NEK11: variants seen among roughly 807,000 people sequenced by gnomAD.
The protein encoded by NEK11 is NIMA related kinase 11.
NEK11 carries 72 observed loss-of-function variants against 80.7 expected under a neutral mutation model. The ratio of observed to expected loss-of-function variants is 0.89; its 90% CI spans 0.74 to 1.08. The LOEUF (loss-of-function observed/expected upper bound fraction) is 1.08. Among genes scored for constraint, NEK11 ranks in the 50% least tolerant of loss-of-function variants. NEK11 has a pLI of 0.00. For missense variants in NEK11, 764 were observed against 763.6 expected, an observed-to-expected ratio of 1.00 and a Z score of -0.01; for synonymous variants, 251 against 260.7, an observed-to-expected ratio of 0.96 and a Z score of 0.36.
intron 17 of NEK11, among the ~76,000 whole-genome samples, chr3:131,347,922 A>AC (rs2097389928): frequency 6.6e-6 from 1 of 152,084 alleles, no homozygotes; most frequent in Non-Finnish European, 1.5e-5. Context: ...CATCTCCAAA[A>AC]AAAAAAAATA....
rs145158189 is a variant in NEK11, at chr3:131,276,365, A to G, written c.1718+2791A>G. On this transcript the variant is annotated intron_variant, in intron 17 of 17. Transcript: ENST00000383366. ...GAGAAGTCAAGCTGTGACATGGGTC[A>G]TTAGAGGCCTCTGCCAACCCCATTG... 1.9e-3 allele frequency among the ~76,000 whole-genome samples: 285 copies of G among 152,300 alleles called. 3 individuals are homozygous for G. Among genetic ancestry groups the G allele is most frequent in the African/African-American group, 6.3e-3 (263 of 41,568 alleles).
At chr3:131,203,775 A>G (rs74568930) in intron 14 of NEK11, among the ~76,000 whole-genome samples, 198 of 2,174 alleles carry the variant, frequency 0.091, 2 homozygotes, top group African/African-American at 0.16. Flanking sequence ...GTGTATATAT[A>G]TATATATATA....
At chr3:131,308,942 C>T (rs1443667279) in intron 17 of NEK11, among the ~76,000 whole-genome samples, 1 of 152,196 alleles carries the variant, frequency 6.6e-6, no homozygotes, top group African/African-American at 2.4e-5. Flanking sequence ...CAACCTAGAT[C>T]CCTTGCATAT....
chr3:131,215,319 T>A (rs113469977), intron 14 of NEK11, among the ~76,000 whole-genome samples: 3,163 of 151,506 alleles, frequency 0.021, 128 homozygotes, highest in African/African-American at 0.073. Flanking sequence ...ATATACCTAA[T>A]GTAAATGACG....
intron 14 of NEK11, among the ~76,000 whole-genome samples, chr3:131,196,851 T>C (rs1366900542): frequency 7.3e-5 from 11 of 150,800 alleles, no homozygotes; most frequent in South Asian, 4.2e-4. Context: ...CTTTTCTTTT[T>C]TTTTTTTTTT....
chr3:131,311,023 G>A (rs1053484920), intron 17 of NEK11, among the ~76,000 whole-genome samples: 3 of 152,160 alleles, frequency 2.0e-5, no homozygotes, highest in African/African-American at 7.2e-5. Flanking sequence ...CTGTGGATTA[G>A]TGGGGTTCCT....
chr3:131,228,181 C>T (rs1274754442), intron 14 of NEK11, among the ~76,000 whole-genome samples: 1 of 152,198 alleles, frequency 6.6e-6, no homozygotes, highest in African/African-American at 2.4e-5. Flanking sequence ...TCAGCCAGGA[C>T]ATCTTGTCCT....
chr3:131,046,703 G>T (rs111618605), intron 3 of NEK11, among the ~76,000 whole-genome samples: 1 of 151,980 alleles, frequency 6.6e-6, no homozygotes, highest in South Asian at 2.1e-4. Flanking sequence ...TTTACATTAG[G>T]TATTTCTCAC....
intron 3 of NEK11, among the ~76,000 whole-genome samples, chr3:131,039,775 TC>T (rs2066182850): frequency 6.6e-6 from 1 of 152,214 alleles, no homozygotes; most frequent in Non-Finnish European, 1.5e-5. Flanking sequence ...AGTTTCTGGA[TC>T]AATTTATTAC....
At chr3:131,115,934 CTTTCTTTCT>C (rs2081020982) in intron 5 of NEK11, among the ~76,000 whole-genome samples, 3 of 116,058 alleles carry the variant, frequency 2.6e-5, no homozygotes, top group Admixed American at 8.8e-5. Context: ...TTCTTTCTTT[CTTTCTTTCT>C]TTCTTTCTTT....
intron 14 of NEK11, among the ~76,000 whole-genome samples, chr3:131,172,124 C>T (rs989137770): frequency 1.3e-5 from 2 of 152,184 alleles, no homozygotes; most frequent in Admixed American, 6.5e-5. Flanking sequence ...GCAAAGTCAG[C>T]CATCCTACAG....
intron 14 of NEK11, among the ~76,000 whole-genome samples, chr3:131,173,927 C>G (rs186359216): frequency 7.1e-4 from 108 of 152,164 alleles, no homozygotes; most frequent in African/African-American, 2.6e-3. Context: ...ACTATTTAGG[C>G]CTCTATGATA....
At chr3:131,121,707 C>T (rs552299949) in intron 5 of NEK11, among the ~76,000 whole-genome samples, 6 of 152,282 alleles carry the variant, frequency 3.9e-5, no homozygotes, top group African/African-American at 7.2e-5. Flanking sequence ...CCCCCAGCCT[C>T]GCTGCCCCCT....
chr3:131,181,544 A>G (rs1025917679), intron 14 of NEK11, among the ~76,000 whole-genome samples: 1 of 152,132 alleles, frequency 6.6e-6, no homozygotes, highest in East Asian at 1.9e-4. Flanking sequence ...CAGGAGATGG[A>G]GACCATCCTG....
At position 131,052,880 on chromosome 3, in the gene NEK11, C is replaced by T. The variant is rs143699148; in HGVS notation, c.170+23002C>T. Among the ~76,000 whole-genome samples the T allele has an allele frequency of 4.6e-3, 707 of 152,202 alleles. 4 individuals are homozygous for T. Among genetic ancestry groups the T allele is most frequent in the African/African-American group, 0.015 (642 of 41,524 alleles). Reference sequence around the variant, plus strand: ...CAAGCTTGGAAAACACTGGGTTCCACAACATTGAACCAGTTTCTTTACTGA... The same window carrying T: ...CAAGCTTGGAAAACACTGGGTTCCATAACATTGAACCAGTTTCTTTACTGA... On this transcript the variant is annotated intron_variant, in intron 3 of 17. Transcript: ENST00000383366.
At chr3:131,109,742 A>C (rs964350286) in intron 4 of NEK11, 61 bp from the exon 5 acceptor site, 2 of 1,510,788 alleles carry the variant, frequency 1.3e-6, no homozygotes. Flanking sequence ...ACTGTTGTTA[A>C]GTGAACTTGA....
intron 4 of NEK11, among the ~76,000 whole-genome samples, chr3:131,107,049 T>A (rs1007841898): frequency 1.3e-5 from 2 of 152,178 alleles, no homozygotes; most frequent in African/African-American, 2.4e-5. Flanking sequence ...CTTTGATTCA[T>A]TTCATATCTT....
Position 131,064,943 on chromosome 3 carries a change from T to C in NEK11, c.171-15480T>C, listed in dbSNP as rs371256889. ...TGGAGCCAAACTTACAGAATGAATA[T>C]AAATCTGGCAGAGAAAGGGTAGAGA... On this transcript the variant is annotated intron_variant, in intron 3 of 17. Transcript: ENST00000383366. Among the ~76,000 whole-genome samples, 213 of 152,068 alleles carry C rather than the reference T, an allele frequency of 1.4e-3. 1 individual carries two copies. Among genetic ancestry groups the C allele is most frequent in the African/African-American group, 4.9e-3 (205 of 41,490 alleles).
At chr3:131,067,716 T>C (rs2072300102) in intron 3 of NEK11, among the ~76,000 whole-genome samples, 1 of 152,200 alleles carries the variant, frequency 6.6e-6, no homozygotes, top group Non-Finnish European at 1.5e-5. Context: ...TGTCAAATTG[T>C]CTGTGAAATG....
Sources: allele counts gnomAD v4.1 joint callset (sites outside exome capture counted in the v4.1 genomes callset), GRCh38; gene constraint gnomAD v4.1.1; transcripts MANE v1.5; gene names NCBI Gene and HGNC (gene_info 2026-07-23, HGNC 2026-07-21).